SEC63: variants seen among roughly 807,000 people sequenced by gnomAD.
SEC63 encodes SEC63 protein translocation regulator, also known as translocation protein SEC63 homolog.
In SEC63, 56 loss-of-function variants were observed where a neutral mutation model predicts 116.2. That is an observed-to-expected ratio of 0.48 (90% CI 0.39 to 0.60). SEC63 has a LOEUF of 0.60. SEC63 is among the 20% of genes least tolerant of loss of function. The pLI is 0.00. For synonymous variants in SEC63, 273 were observed against 294.6 expected, an observed-to-expected ratio of 0.93 and a Z score of 0.75; for missense variants, 668 against 900.0, an observed-to-expected ratio of 0.74 and a Z score of 3.30.
chr6:107,893,082 G>C (rs1352876982), intron 16 of SEC63, among the ~76,000 whole-genome samples: 1 of 149,004 alleles, frequency 6.7e-6, no homozygotes, highest in Non-Finnish European at 1.5e-5. Flanking sequence ...AGGTAAATGT[G>C]GTATATTCAT....
chr6:107,955,246 C>A (rs1452515438), intron 1 of SEC63, among the ~76,000 whole-genome samples: 1 of 152,164 alleles, frequency 6.6e-6, no homozygotes, highest in Non-Finnish European at 1.5e-5. Context: ...ATTGCAACCT[C>A]CAGCTCCCGG....
At chr6:107,948,978 T>C (rs1023540599) in intron 1 of SEC63, among the ~76,000 whole-genome samples, 1 of 152,208 alleles carries the variant, frequency 6.6e-6, no homozygotes, top group African/African-American at 2.4e-5. Context: ...CACTCTGTGG[T>C]TCGCCCCATG....
chr6:107,901,694 G>GA (rs752135469), intron 12 of SEC63, among the ~76,000 whole-genome samples, 177 bp from the exon 13 acceptor site: 1 of 151,748 alleles, frequency 6.6e-6, no homozygotes, highest in Non-Finnish European at 1.5e-5. Context: ...TTTTCTCCAA[G>GA]AAAATTTAAA....
At chr6:107,946,829 C>A (rs1770489722) in intron 1 of SEC63, among the ~76,000 whole-genome samples, 1 of 152,040 alleles carries the variant, frequency 6.6e-6, no homozygotes, top group African/African-American at 2.4e-5. Flanking sequence ...CATGGAAAAA[C>A]CCCGTCTCTA....
chr6:107,903,765 T>C (rs1787065600), intron 11 of SEC63, among the ~76,000 whole-genome samples: 1 of 152,084 alleles, frequency 6.6e-6, no homozygotes. Context: ...AAATTCACTG[T>C]TAGAAAAAAT....
At chr6:107,906,818 C>T (rs1201904832) in intron 8 of SEC63, 41 bp from the exon 9 acceptor site, 2 of 1,419,584 alleles carry the variant, frequency 1.4e-6, no homozygotes, top group Non-Finnish European at 2.0e-6. Context: ...TAAATATGCT[C>T]ATTCATTAAT....
intron 13 of SEC63, 90 bp downstream of exon 13, chr6:107,901,280 A>G: frequency 8.1e-7 from 1 of 1,239,920 alleles, no homozygotes; most frequent in Non-Finnish European, 1.2e-6. Context: ...TATGTTATTA[A>G]GTACAGTGTT....
At chr6:107,953,079 G>A (rs1051645192) in intron 1 of SEC63, among the ~76,000 whole-genome samples, 1 of 152,164 alleles carries the variant, frequency 6.6e-6, no homozygotes, top group African/African-American at 2.4e-5. Flanking sequence ...GGCCAACATG[G>A]TGAAACCCCA....
At chr6:107,896,744 C>T (rs1032840717) in intron 14 of SEC63, among the ~76,000 whole-genome samples, 1 of 151,828 alleles carries the variant, frequency 6.6e-6, no homozygotes, top group East Asian at 1.9e-4. Flanking sequence ...TTTGGGAGGC[C>T]GAGGCAGGTG....
rs1770526278 is a variant in SEC63, at chr6:107,948,818, C to T, written c.124+9068G>A. Among the ~76,000 whole-genome samples the T allele has an allele frequency of 2.0e-5, 3 of 152,258 alleles. No homozygotes were observed. In the South Asian group the frequency reaches 6.2e-4, roughly 32 times the overall value. ...AGAAGGTAACCACACCTAAACAGAC[C>T]CTTCACAAGATAATGTACAAGTTAA... On this transcript the variant is annotated intron_variant, in intron 1 of 20. Transcript: ENST00000369002.
At chr6:107,932,368 G>A (rs558802256) in intron 1 of SEC63, 3 of 152,076 alleles carry the variant, frequency 2.0e-5, no homozygotes, top group Non-Finnish European at 4.4e-5. Context: ...CATATAGAAG[G>A]TTCCAAAACC....
intron 1 of SEC63, among the ~76,000 whole-genome samples, chr6:107,947,460 CT>C (rs1770500404): frequency 6.6e-6 from 1 of 151,998 alleles, no homozygotes; most frequent in Admixed American, 6.6e-5. Flanking sequence ...GCAGTTCTAG[CT>C]ACTCGGGAGG....
At position 107,893,567 on chromosome 6, in the gene SEC63, T is replaced by C. The variant is rs1222523426; in HGVS notation, c.1589A>G (p.Lys530Arg). 6.3e-7 allele frequency: 1 copy of C among 1,596,798 alleles called. No individual in the cohort carries two copies. Among genetic ancestry groups the C allele is most frequent in the African/African-American group, 1.4e-5 (1 of 73,434 alleles). Reference protein sequence around the residue: ...PKKTAKSKKKKPLKKKPTPVL... With the variant: ...PKKTAKSKKKRPLKKKPTPVL... Reference sequence around the variant, plus strand: ...AGGTGTAGGTTTTTTTTTTAAAGGTTTCTTTTTTTTTGATTTAGCAGTTTT... The same window carrying C: ...AGGTGTAGGTTTTTTTTTTAAAGGTCTCTTTTTTTTTGATTTAGCAGTTTT... The change falls in exon 16 of 21, where the codon AAA (lysine) becomes AGA (arginine). Residue 530 changes from lysine to arginine, a missense_variant. By Grantham distance (26) the Lys-to-Arg change is conservative (BLOSUM62 2). Coordinates refer to ENST00000369002, the MANE Select transcript of SEC63 (RefSeq NM_007214.5).
At chr6:107,887,637 T>C (rs948771573) in intron 16 of SEC63, among the ~76,000 whole-genome samples, 1 of 152,062 alleles carries the variant, frequency 6.6e-6, no homozygotes, top group Non-Finnish European at 1.5e-5. Flanking sequence ...TTGGGAAATA[T>C]ACCTAATGCT....
intron 2 of SEC63, 136 bp from the exon 3 acceptor site, chr6:107,925,068 G>A: frequency 1.4e-6 from 1 of 691,502 alleles, no homozygotes; most frequent in Non-Finnish European, 2.7e-6. Flanking sequence ...TACAATCACT[G>A]GGTTACAAAC....
At chr6:107,875,099 A>AGTGATCTGCC (rs1197900968) in intron 19 of SEC63, among the ~76,000 whole-genome samples, 2 of 152,094 alleles carry the variant, frequency 1.3e-5, no homozygotes, top group East Asian at 1.9e-4. Context: ...CCTGGGCTCA[A>AGTGATCTGCC]CTGATCTGCC....
chr6:107,954,990 G>A (rs1201791150), intron 1 of SEC63, among the ~76,000 whole-genome samples: 3 of 152,184 alleles, frequency 2.0e-5, no homozygotes, highest in African/African-American at 7.2e-5. Context: ...ACTAAGGCAA[G>A]CCTGAAGCAG....
At position 107,893,474 on chromosome 6, in the gene SEC63, A is replaced by G. The variant is rs145466569; in HGVS notation, c.1674+8T>C. On this transcript the variant is annotated splice_region_variant and intron_variant, in intron 16 of 20. Coordinates refer to ENST00000369002, the MANE Select transcript of SEC63 (RefSeq NM_007214.5). The stretch of plus-strand genomic sequence containing the variant: ...TAATAATGATAATAACGATAATAAT[A>G]AACTTACATTCCCAACGACTCCATT... The G allele has an allele frequency of 3.7e-6, 6 of 1,610,518 alleles. No homozygotes were observed. Among genetic ancestry groups the G allele is most frequent in the South Asian group, 1.1e-5 (1 of 90,950 alleles).
intron 1 of SEC63, among the ~76,000 whole-genome samples, chr6:107,949,434 T>A (rs927305470): frequency 2.9e-4 from 44 of 152,080 alleles, no homozygotes; most frequent in Admixed American, 2.7e-3. Context: ...GCCCAGGAGT[T>A]TGAGACAAGC....
Sources: gnomAD v4.1 joint callset for allele counts (sites outside exome capture counted in the v4.1 genomes callset) on GRCh38, gnomAD v4.1.1 for gene constraint, MANE v1.5 for transcripts, NCBI Gene and HGNC (gene_info 2026-07-23, HGNC 2026-07-21) for gene names.